Variants in SHOC2 observed in about 807,000 individuals in gnomAD.
SHOC2 encodes the protein leucine-rich repeat protein SHOC-2.
Under a neutral mutation model 50.2 loss-of-function variants are expected in SHOC2, and 4 were observed. The observed-to-expected ratio is 0.08, with a 90% CI of 0.04 to 0.18. SHOC2 has a LOEUF of 0.18. Among genes scored for constraint, SHOC2 ranks in the 10% least tolerant of loss-of-function variants. The pLI is 1.00. For synonymous variants in SHOC2, 218 were observed against 244.5 expected, an observed-to-expected ratio of 0.89 and a Z score of 1.01; for missense variants, 388 against 669.6, an observed-to-expected ratio of 0.58 and a Z score of 4.64.
At chr10:110,973,487 A>G (rs577105940) in intron 2 of SHOC2, among the ~76,000 whole-genome samples, 1 of 152,096 alleles carries the variant, frequency 6.6e-6, no homozygotes, top group African/African-American at 2.4e-5. Flanking sequence ...TTGATCTGTA[A>G]TTTTATTTTC....
chr10:110,940,344 A>G (rs1847110956), intron 1 of SHOC2, among the ~76,000 whole-genome samples: 1 of 152,156 alleles, frequency 6.6e-6, no homozygotes, highest in South Asian at 2.1e-4. Context: ...CCTCTTTCAG[A>G]GATGCGTAAC....
At chr10:110,989,356 G>A (rs1277095375) in intron 3 of SHOC2, among the ~76,000 whole-genome samples, 1 of 152,140 alleles carries the variant, frequency 6.6e-6, no homozygotes, top group Admixed American at 6.5e-5. Flanking sequence ...ATGTTTATCA[G>A]CAGTCCTGTT....
chr10:110,936,520 C>T (rs1480352897), intron 1 of SHOC2: 1 of 600,296 alleles, frequency 1.7e-6, no homozygotes, highest in East Asian at 2.9e-5. Context: ...AGTAATTTTA[C>T]TATTGCAGTA....
chr10:110,947,018 A>G (rs1033030687), intron 1 of SHOC2, among the ~76,000 whole-genome samples: 4 of 152,234 alleles, frequency 2.6e-5, no homozygotes, highest in East Asian at 1.9e-4. Context: ...GATAGATTGT[A>G]GCACCCGGGT....
chr10:111,009,727 A>G lies in SHOC2; in HGVS notation c.1437A>G (p.Thr479=). The part of the protein sequence containing the change: ...YLKDLQKLVL[T]NNQLTTLPRG... ...AAATCTTTTAGAAATTAGTCTTGAC[A>G]AACAACCAGTTGACCACTCTTCCCA... The change falls in exon 8 of 9, where the codon ACA becomes ACG. Residue 479 remains threonine (T), a synonymous_variant. Transcript: ENST00000369452. The G allele has an allele frequency of 1.2e-6, 2 of 1,608,132 alleles. No individual in the cohort carries two copies. The highest frequency in any genetic ancestry group is 2.2e-5 in the South Asian group (2 of 90,942).
intron 2 of SHOC2, among the ~76,000 whole-genome samples, chr10:110,977,488 G>A (rs999848378): frequency 6.6e-6 from 1 of 151,970 alleles, no homozygotes; most frequent in African/African-American, 2.4e-5. Context: ...CAGGTGATCC[G>A]CCCGCCTCAG....
At chr10:110,922,222 C>A (rs530089785) in intron 1 of SHOC2, among the ~76,000 whole-genome samples, 75 of 152,154 alleles carry the variant, frequency 4.9e-4, no homozygotes, top group African/African-American at 1.8e-3. Flanking sequence ...CTTTCCACAT[C>A]AGAGAGACAT....
rs1847629736 is a variant in SHOC2, at chr10:110,964,330, A to G, written c.-29A>G. 5 of 1,608,650 alleles carry G rather than the reference A, an allele frequency of 3.1e-6. No individual in the cohort carries two copies. The highest frequency in any genetic ancestry group is 2.7e-5 in the African/African-American group (2 of 74,824). ...AATTACTGGAAAATAAAAGGAGTTC[A>G]TGTAGTTTTTGTCCAGGCTTGAGTC... On this transcript the variant is annotated 5_prime_UTR_variant, in exon 2 of 9. The change abolishes an upstream ATG in the 5' untranslated region. Transcript: ENST00000369452. The surrounding 1 kb of genome is among the most constrained non-coding windows in gnomAD (Gnocchi z 4.9).
At chr10:110,995,967 C>T (rs749376955) in intron 3 of SHOC2, among the ~76,000 whole-genome samples, 185 of 152,158 alleles carry the variant, frequency 1.2e-3, no homozygotes, top group Admixed American at 2.4e-3. Context: ...GAAGTTGTCT[C>T]CCCCATCTCT....
intron 1 of SHOC2, among the ~76,000 whole-genome samples, chr10:110,920,316 C>T (rs1312110891): frequency 6.6e-6 from 1 of 152,118 alleles, no homozygotes; most frequent in Non-Finnish European, 1.5e-5. Context: ...GCAACCTCTC[C>T]CCGTGATAGC....
At chr10:110,984,669 A>G (rs945812859) in intron 2 of SHOC2, among the ~76,000 whole-genome samples, 1 of 152,232 alleles carries the variant, frequency 6.6e-6, no homozygotes, top group Non-Finnish European at 1.5e-5. Flanking sequence ...TTAAAAATGA[A>G]AAGGTTTTTT....
intron 3 of SHOC2, among the ~76,000 whole-genome samples, chr10:110,997,533 T>TCCC (rs35438330): frequency 2.4e-4 from 36 of 152,044 alleles, no homozygotes; most frequent in African/African-American, 6.8e-4. Context: ...TCATGCTTTT[T>TCCC]CCCCCCCAAC....
intron 2 of SHOC2, among the ~76,000 whole-genome samples, chr10:110,982,035 G>T (rs1016272160): frequency 5.7e-5 from 7 of 122,768 alleles, no homozygotes; most frequent in Non-Finnish European, 1.1e-4. Context: ...TCCCCAGAGT[G>T]TGATGTTCCC....
At chr10:110,984,260 G>A (rs561745011) in intron 2 of SHOC2, among the ~76,000 whole-genome samples, 5 of 152,208 alleles carry the variant, frequency 3.3e-5, no homozygotes, top group South Asian at 4.1e-4. Flanking sequence ...GATGTTGAGC[G>A]TCTTTTCATG....
intron 1 of SHOC2, among the ~76,000 whole-genome samples, chr10:110,929,973 T>G (rs138783298): frequency 8.3e-4 from 126 of 152,306 alleles, no homozygotes; most frequent in Middle Eastern, 3.4e-3. Context: ...CCTTTCAATA[T>G]CTTGAGTAAC....
At chr10:110,928,466 C>G (rs1846821109) in intron 1 of SHOC2, among the ~76,000 whole-genome samples, 1 of 152,056 alleles carries the variant, frequency 6.6e-6, no homozygotes, top group African/African-American at 2.4e-5. Context: ...ATAAAACATA[C>G]TTTTACTAGC....
chr10:110,989,318 A>G (rs919058542), intron 3 of SHOC2, among the ~76,000 whole-genome samples: 6 of 152,136 alleles, frequency 3.9e-5, no homozygotes, highest in African/African-American at 1.4e-4. Flanking sequence ...ACCTTGTTGT[A>G]CTAATTCCCA....
intron 1 of SHOC2, among the ~76,000 whole-genome samples, chr10:110,961,343 C>A (rs1054672315): frequency 6.6e-6 from 1 of 152,112 alleles, no homozygotes; most frequent in Non-Finnish European, 1.5e-5. Flanking sequence ...AGATTACTCT[C>A]AATATGTTTT....
chr10:111,002,538 G>C (rs1848397492), intron 4 of SHOC2, among the ~76,000 whole-genome samples: 1 of 152,166 alleles, frequency 6.6e-6, no homozygotes, highest in Non-Finnish European at 1.5e-5. Context: ...CTTGAGTCTA[G>C]TTGCTCTACA....
Sources: allele counts gnomAD v4.1 joint callset (sites outside exome capture counted in the v4.1 genomes callset), GRCh38; gene constraint gnomAD v4.1.1; non-coding constraint Gnocchi (gnomAD v3.1); transcripts MANE v1.5; gene names NCBI Gene and HGNC (gene_info 2026-07-23, HGNC 2026-07-21).